The following ACACA variants were observed in gnomAD, a reference collection of about 807,000 sequenced individuals.
ACACA encodes acetyl-CoA carboxylase alpha.
A neutral mutation model predicts 296.1 loss-of-function variants in ACACA; 103 were observed. The observed-to-expected ratio is 0.35, with a 90% CI of 0.30 to 0.41. The LOEUF (loss-of-function observed/expected upper bound fraction) is 0.41, where lower values mean the gene tolerates loss of function less well. ACACA is among the 10% of genes least tolerant of loss of function. The pLI, the probability that ACACA is intolerant of heterozygous loss-of-function variation, is 1.00. For missense variants in ACACA, 1,554 were observed against 2,989.7 expected, an observed-to-expected ratio of 0.52 and a Z score of 11.20; for synonymous variants, 953 against 1,038.6, an observed-to-expected ratio of 0.92 and a Z score of 1.58.
chr17:37,188,948 A>G (rs892869709), intron 38 of ACACA, among the ~76,000 whole-genome samples: 1 of 152,204 alleles, frequency 6.6e-6, no homozygotes, highest in African/African-American at 2.4e-5. Context: ...TTTTTCATAC[A>G]GTTTTATTAA....
Position 37,313,070 on chromosome 17 carries a change from T to G in ACACA, c.338+17103A>C, listed in dbSNP as rs1193285637. 5.3e-5 allele frequency among the ~76,000 whole-genome samples: 8 copies of G among 152,160 alleles called. No homozygotes were observed. The East Asian group carries it at 1.5e-3, about 29-fold the overall frequency. ...GGAGTCCCAGTTTCATGACTATCAT[T>G]AGATTTTACTAGGGAGGAGGTTAGA... On this transcript the variant is annotated intron_variant, in intron 3 of 55. Transcript: ENST00000616317.
chr17:37,200,873 TAG>T (rs2078215776), intron 33 of ACACA, among the ~76,000 whole-genome samples: 1 of 152,132 alleles, frequency 6.6e-6, no homozygotes, highest in African/African-American at 2.4e-5. Flanking sequence ...TGAAATTAGG[TAG>T]AGAGAAAAGA....
chr17:37,327,599 A>G (rs568852719), intron 3 of ACACA, among the ~76,000 whole-genome samples: 16 of 152,324 alleles, frequency 1.1e-4, no homozygotes, highest in African/African-American at 3.6e-4. Flanking sequence ...GCAACTACAA[A>G]CTGCCTTGTG....
chr17:37,103,907 T>G (rs1218536849), intron 52 of ACACA, among the ~76,000 whole-genome samples: 1 of 152,086 alleles, frequency 6.6e-6, no homozygotes, highest in Non-Finnish European at 1.5e-5. Flanking sequence ...CCAGGCATGG[T>G]GAAGCGTGCC....
At chr17:37,399,604 A>C (rs1257300779) in intron 1 of ACACA, among the ~76,000 whole-genome samples, 1 of 152,124 alleles carries the variant, frequency 6.6e-6, no homozygotes, top group African/African-American at 2.4e-5. Context: ...TAGTTCACCT[A>C]ATTTTTTGGG....
chr17:37,249,216 C>T (rs1230500889), intron 16 of ACACA, among the ~76,000 whole-genome samples: 1 of 152,164 alleles, frequency 6.6e-6, no homozygotes, highest in African/African-American at 2.4e-5. Context: ...CTGAATAATA[C>T]TGTATTGTAT....
At chr17:37,259,851 A>G (rs181605622) in intron 11 of ACACA, among the ~76,000 whole-genome samples, 499 of 151,862 alleles carry the variant, frequency 3.3e-3, no homozygotes, top group Non-Finnish European at 5.2e-3. Flanking sequence ...TCTTCTTCCT[A>G]GAAACATAGC....
intron 45 of ACACA, among the ~76,000 whole-genome samples, chr17:37,143,312 G>A (rs186429951): frequency 1.4e-3 from 212 of 149,092 alleles, no homozygotes; most frequent in African/African-American, 5.0e-3. Flanking sequence ...ATTACAGAGT[G>A]GTATTCAGTT....
At chr17:37,290,795 C>T (rs962662730) in intron 3 of ACACA, among the ~76,000 whole-genome samples, 1 of 152,078 alleles carries the variant, frequency 6.6e-6, no homozygotes, top group Non-Finnish European at 1.5e-5. Context: ...ATAAAATACG[C>T]TAACACTGGC....
intron 24 of ACACA, among the ~76,000 whole-genome samples, chr17:37,239,455 A>T (rs1325462254): frequency 6.6e-6 from 1 of 152,184 alleles, no homozygotes; most frequent in Non-Finnish European, 1.5e-5. Flanking sequence ...CTAATCTTAA[A>T]GATAATGTTT....
intron 39 of ACACA, among the ~76,000 whole-genome samples, chr17:37,185,093 G>C (rs1045770012): frequency 6.6e-6 from 1 of 152,168 alleles, no homozygotes; most frequent in African/African-American, 2.4e-5. Context: ...CTGCAAAGGC[G>C]AATAAGAGAA....
At chr17:37,321,112 T>C (rs1003634050) in intron 3 of ACACA, among the ~76,000 whole-genome samples, 1 of 152,150 alleles carries the variant, frequency 6.6e-6, no homozygotes, top group African/African-American at 2.4e-5. Flanking sequence ...ATTTTTCTAA[T>C]TAGCCACTGA....
chr17:37,133,071 T>C (rs893793423), intron 45 of ACACA, among the ~76,000 whole-genome samples: 4 of 152,188 alleles, frequency 2.6e-5, no homozygotes, highest in African/African-American at 7.2e-5. Flanking sequence ...GCTAAAGAAG[T>C]GTTTGTCATG....
chr17:37,270,849 C>A lies in ACACA; in HGVS notation c.1021G>T (p.Val341Phe). ...GCCTTGATCATTACTGGATATCCAA[C>A]TTCCTCAGCTGCCTTCAAAAAGAAA... Reference protein sequence around the residue: ...VDDGLQAAEEVGYPVMIKASE... With the variant: ...VDDGLQAAEEFGYPVMIKASE... Residue 341 changes from valine to phenylalanine, a missense_variant, in exon 10 of 56, where the codon GTT becomes TTT. By Grantham distance (50) the Val-to-Phe change is conservative. Around this residue, in one of 16 missense-constraint regions of ACACA, gnomAD observed 82 missense variants for 185.2 expected, o/e 0.44. Coordinates refer to ENST00000616317, the MANE Select transcript of ACACA (RefSeq NM_198834.3). 1.9e-6 allele frequency: 3 copies of A among 1,613,212 alleles called. No homozygotes were observed. Among genetic ancestry groups the A allele is most frequent in the Non-Finnish European group, 8.5e-7 (1 of 1,179,524 alleles).
At chr17:37,268,580 T>C (rs1193986265) in intron 10 of ACACA, among the ~76,000 whole-genome samples, 2 of 152,060 alleles carry the variant, frequency 1.3e-5, no homozygotes, top group African/African-American at 4.8e-5. Flanking sequence ...CTAGAAGATA[T>C]ATCTAGGGGA....
chr17:37,204,062 T>C (rs1805228182), intron 33 of ACACA, among the ~76,000 whole-genome samples: 1 of 152,180 alleles, frequency 6.6e-6, no homozygotes, highest in Non-Finnish European at 1.5e-5. Flanking sequence ...ATGATGTGAA[T>C]GCCAATGGTA....
intron 1 of ACACA, among the ~76,000 whole-genome samples, chr17:37,398,280 A>G (rs1159092545): frequency 1.1e-5 from 1 of 93,714 alleles, no homozygotes; most frequent in East Asian, 3.3e-4. Flanking sequence ...TTGTGGTATC[A>G]CTTTTTTTTT....
At chr17:37,274,057 C>T in intron 9 of ACACA, 136 bp downstream of exon 9, 3 of 768,370 alleles carry the variant, frequency 3.9e-6, no homozygotes, top group South Asian at 1.4e-5. Flanking sequence ...GTATTCTATA[C>T]TTTCAAACTA....
chr17:37,200,150 G>T lies in ACACA; in HGVS notation c.4147C>A (p.Arg1383=). The T allele has an allele frequency of 6.2e-7, 1 of 1,604,384 alleles. No homozygotes were observed. Among genetic ancestry groups the T allele is most frequent in the South Asian group, 1.1e-5 (1 of 90,858 alleles). The change falls in exon 35 of 56, where the codon CGG becomes AGG. Residue 1383 remains arginine, a synonymous_variant. Transcript: ENST00000616317. ...TTCATTTTACTTACATGAAATCTCC[G>T]ATCCACCTCATAGTTGACCTGCTTT... ...FRKQVNYEVD[R]RFHREFPKFF... is the part of the protein sequence containing the mutation.
Sources: gnomAD v4.1 joint callset for allele counts (sites outside exome capture counted in the v4.1 genomes callset) on GRCh38, gnomAD v4.1.1 for gene constraint, gnomAD v4.1.1 regional missense constraint, MANE v1.5 for transcripts, NCBI Gene and HGNC (gene_info 2026-07-23, HGNC 2026-07-21) for gene names.